The following RSPH14 variants were observed in gnomAD, a reference collection of about 807,000 sequenced individuals.
RSPH14 encodes radial spoke head 14 homolog.
In RSPH14, 20 loss-of-function variants were observed where a neutral mutation model predicts 26.7. The ratio of observed to expected loss-of-function variants is 0.75; its 90% CI spans 0.53 to 1.09. The LOEUF (loss-of-function observed/expected upper bound fraction) is 1.09, where lower values mean the gene tolerates loss of function less well. Ranked by LOEUF, RSPH14 falls within the 50% of genes least tolerant of loss-of-function variation. The pLI is 0.00. For missense variants in RSPH14, 449 were observed against 457.2 expected (o/e 0.98, Z 0.16); for synonymous variants, 177 against 189.3 (o/e 0.93, Z 0.53).
chr22:23,163,607 C>CCCCG, the RSPH14 span: 13 of 67,606 alleles, frequency 1.9e-4, no homozygotes, highest in Non-Finnish European at 2.9e-4. Context: ...AAGGTGAAAG[C>CCCCG]CCCCCCCCCG....
In RSPH14 at chr22:23,138,970, C is replaced by T. The variant is rs183936911; in HGVS notation, c.200-28G>A. On this transcript the variant is annotated intron_variant, in intron 2 of 6. Coordinates refer to ENST00000216036, the MANE Select transcript of RSPH14 (RefSeq NM_014433.3). ...AGAAAAAAAAAAAAAAACAAACAAA[C>T]CAACCCTTGAATTTTTGCCAGTCTC... The T allele has an allele frequency of 6.2e-4, 936 of 1,507,346 alleles. 6 individuals are homozygous for T. The African/African-American group carries it at 0.012, about 19-fold the overall frequency. The allele number at this position is 1,507,346 out of a possible 1,614,324, so 93.4% of individuals were successfully genotyped here.
intron 4 of RSPH14, among the ~76,000 whole-genome samples, chr22:23,097,736 T>A (rs2069168844): frequency 6.6e-6 from 1 of 152,228 alleles, no homozygotes; most frequent in South Asian, 2.1e-4. Flanking sequence ...GAGGTCAGGC[T>A]CCCTTGATGA....
upstream of RSPH14, among the ~76,000 whole-genome samples, chr22:23,146,854 C>T (rs2070806594): frequency 6.6e-6 from 1 of 152,110 alleles, no homozygotes; most frequent in African/African-American, 2.4e-5. Flanking sequence ...AAGGTGGGAC[C>T]GCAAGTTAAT....
chr22:23,149,943 GC>G, upstream of RSPH14: 1 of 766,780 alleles, frequency 1.3e-6, no homozygotes, highest in Admixed American at 2.0e-5. Flanking sequence ...AGCTAATGAG[GC>G]TGCCAGCTGT....
At chr22:23,128,724 C>G (rs2070241446) in intron 4 of RSPH14, among the ~76,000 whole-genome samples, 1 of 152,170 alleles carries the variant, frequency 6.6e-6, no homozygotes. Flanking sequence ...GTGGCCAGAA[C>G]AAAACAGGGG....
intron 4 of RSPH14, chr22:23,096,364 C>T: frequency 6.2e-7 from 1 of 1,613,364 alleles, no homozygotes; most frequent in South Asian, 1.1e-5. Context: ...CAGCCATCAT[C>T]TTCTGTGTGG....
chr22:23,123,745 TGCC>T, intron 4 of RSPH14: 6 of 348,862 alleles, frequency 1.7e-5, no homozygotes, highest in South Asian at 7.9e-5. Context: ...CCCTTCACTT[TGCC>T]TTCCTGAGTT....
intron 4 of RSPH14, among the ~76,000 whole-genome samples, chr22:23,105,109 G>A (rs184985272): frequency 2.0e-5 from 3 of 152,258 alleles, no homozygotes; most frequent in East Asian, 1.9e-4. Flanking sequence ...AACCAGAGTC[G>A]ACTGGGGGCC....
rs2068374178 is a variant in RSPH14, at chr22:23,071,481, G to A, written c.422-7348C>T. On this transcript the variant is annotated intron_variant, in intron 4 of 6. Transcript: ENST00000216036. This position sits in a 1 kb window ranked among gnomAD's most constrained non-coding sequence, Gnocchi z 4.1. ...TGGGGAGACAGCTGAGCCCCTGACC[G>A]GCTCCTTTCTGCCCAAGTGATTTCC... Among the ~76,000 whole-genome samples, 1 of 152,220 alleles carries A rather than the reference G, an allele frequency of 6.6e-6. No homozygotes were observed. The highest frequency in any genetic ancestry group is 1.5e-5 in the Non-Finnish European group (1 of 68,034).
intron 4 of RSPH14, chr22:23,131,790 G>C: frequency 2.1e-6 from 1 of 487,214 alleles, no homozygotes; most frequent in Non-Finnish European, 4.1e-6. Context: ...TGTCATTCAA[G>C]GTGCATTTTC....
the RSPH14 span, chr22:23,160,843 C>A: frequency 6.2e-7 from 1 of 1,601,026 alleles, no homozygotes. Context: ...CAAGGAGAAA[C>A]ACTGATGAGG....
chr22:23,130,496 A>AAGAAAGAAAGAAAGAAAGAAGG (rs67156030), intron 4 of RSPH14, among the ~76,000 whole-genome samples: 1 of 110,692 alleles, frequency 9.0e-6, no homozygotes, highest in Non-Finnish European at 1.8e-5. Context: ...GAAGGAAAGA[A>AAGAAAGAAAGAAAGAAAGAAGG]AAAGAAAGAA....
At chr22:23,111,663 C>T (rs879850540) in intron 4 of RSPH14, among the ~76,000 whole-genome samples, 13 of 152,196 alleles carry the variant, frequency 8.5e-5, no homozygotes, top group Non-Finnish European at 1.8e-4. Context: ...AGTGACATGC[C>T]CAGGGTCTCA....
chr22:23,158,933 C>T, the RSPH14 span: 3 of 1,614,090 alleles, frequency 1.9e-6, no homozygotes, highest in Non-Finnish European at 1.7e-6. Context: ...GAGAACGAGG[C>T]AGGCTCCTGC....
At chr22:23,173,622 G>GTTTTTTTTTTTTTTTTTTTTTTTT in the RSPH14 span, among the ~76,000 whole-genome samples, 2 of 112,290 alleles carry the variant, frequency 1.8e-5, no homozygotes, top group South Asian at 2.9e-4. Flanking sequence ...TTTATTTTTG[G>GTTTTTTTTTTTTTTTTTTTTTTTT]TTTTTTGTTT....
chr22:23,145,834 A>T (rs1334489058), upstream of RSPH14: 7 of 376,360 alleles, frequency 1.9e-5, no homozygotes, highest in Non-Finnish European at 2.6e-5. Flanking sequence ...GAAAAAGGAG[A>T]CAGAGGGGCT....
At chr22:23,121,300 A>G (rs547506499) in intron 4 of RSPH14, among the ~76,000 whole-genome samples, 11 of 152,360 alleles carry the variant, frequency 7.2e-5, no homozygotes, top group Admixed American at 7.2e-4. Flanking sequence ...GCAGGGTTCC[A>G]GGGTAATGAC....
chr22:23,158,975 T>G, the RSPH14 span: 1 of 1,614,132 alleles, frequency 6.2e-7, no homozygotes, highest in Non-Finnish European at 8.5e-7. Flanking sequence ...AAGAAGGACC[T>G]TCTGGTGAGC....
chr22:23,169,077 C>G, the RSPH14 span, among the ~76,000 whole-genome samples: 2 of 152,198 alleles, frequency 1.3e-5, no homozygotes, highest in Admixed American at 6.5e-5. Flanking sequence ...ACTGCAGGGA[C>G]CTCATCAATA....
Sources: allele counts gnomAD v4.1 joint callset (sites outside exome capture counted in the v4.1 genomes callset), GRCh38; gene constraint gnomAD v4.1.1; non-coding constraint Gnocchi (gnomAD v3.1); transcripts MANE v1.5; gene names NCBI Gene and HGNC (gene_info 2026-07-23, HGNC 2026-07-21).